The following VCF1 variants were observed in gnomAD, a reference collection of about 807,000 sequenced individuals.
VCF1 encodes the protein protein VCF1.
the VCF1 span, among the ~76,000 whole-genome samples, chr17:73,224,662 C>T: frequency 6.6e-6 from 1 of 152,182 alleles, no homozygotes; most frequent in Non-Finnish European, 1.5e-5. Flanking sequence ...TGATTTTTTG[C>T]TGCTACAAAC....
At chr17:73,228,587 G>A in the VCF1 span, among the ~76,000 whole-genome samples, 2 of 151,974 alleles carry the variant, frequency 1.3e-5, no homozygotes, top group Admixed American at 1.3e-4. Context: ...CCTGCACTGG[G>A]CTATGTAATT....
At chr17:73,230,643 C>G in the VCF1 span, among the ~76,000 whole-genome samples, 7 of 152,114 alleles carry the variant, frequency 4.6e-5, no homozygotes, top group Non-Finnish European at 1.0e-4. Context: ...GTGATCCGCC[C>G]GCCTTGACTT....
the VCF1 span, chr17:73,227,063 G>A: frequency 1.1e-6 from 1 of 898,440 alleles, no homozygotes; most frequent in Non-Finnish European, 1.7e-6. Flanking sequence ...ATCAACTAAG[G>A]TCATTTTAAA....
At chr17:73,219,049 G>A in the VCF1 span, among the ~76,000 whole-genome samples, 2 of 151,850 alleles carry the variant, frequency 1.3e-5, no homozygotes, top group East Asian at 1.9e-4. Context: ...AATTAGCCAG[G>A]TGTGGTTGTG....
chr17:73,216,487 G>C, the VCF1 span, among the ~76,000 whole-genome samples: 1 of 152,196 alleles, frequency 6.6e-6, no homozygotes, highest in African/African-American at 2.4e-5. Context: ...TGGCGGGAGG[G>C]AGAGGGAGAA....
At chr17:73,229,851 CAGTG>C in the VCF1 span, among the ~76,000 whole-genome samples, 64,172 of 118,014 alleles carry the variant, frequency 0.54, 16,587 homozygotes, top group Middle Eastern at 0.63. Context: ...CTGGCCGACA[CAGTG>C]AGACTCCATC....
At chr17:73,231,380 T>C in the VCF1 span, among the ~76,000 whole-genome samples, 1 of 152,128 alleles carries the variant, frequency 6.6e-6, no homozygotes, top group Non-Finnish European at 1.5e-5. Flanking sequence ...TAGTAGTACA[T>C]GTCAAGCACA....
the VCF1 span, chr17:73,232,287 T>A: frequency 3.1e-6 from 5 of 1,596,410 alleles, no homozygotes; most frequent in East Asian, 1.1e-4. Context: ...ACTTCCGGCG[T>A]CTGCTCCGCG....
the VCF1 span, among the ~76,000 whole-genome samples, chr17:73,220,458 A>G: frequency 1.4e-4 from 21 of 151,576 alleles, no homozygotes; most frequent in Non-Finnish European, 2.9e-4. Context: ...TTTGTTTTTT[A>G]TTTTGAGATG....
the VCF1 span, among the ~76,000 whole-genome samples, chr17:73,217,708 C>T: frequency 1.3e-5 from 2 of 151,826 alleles, no homozygotes; most frequent in South Asian, 4.2e-4. Flanking sequence ...AATCCTAGCA[C>T]TTTGGGAGGC....
chr17:73,211,934 G>A, the VCF1 span, among the ~76,000 whole-genome samples: 1 of 152,028 alleles, frequency 6.6e-6, no homozygotes, highest in Non-Finnish European at 1.5e-5. Flanking sequence ...AGGAAGCTGA[G>A]GTGGGGGAAT....
chr17:73,211,388 G>A, the VCF1 span, among the ~76,000 whole-genome samples: 2 of 152,206 alleles, frequency 1.3e-5, no homozygotes, highest in African/African-American at 2.4e-5. Flanking sequence ...AGCCAACATA[G>A]TGAAACCCCG....
the VCF1 span, chr17:73,209,015 A>C: frequency 9.6e-6 from 2 of 207,770 alleles, no homozygotes; most frequent in Non-Finnish European, 9.8e-6. Flanking sequence ...CTTTCAATAG[A>C]ACATCTACAT....
chr17:73,226,814 A>C, the VCF1 span, among the ~76,000 whole-genome samples: 1 of 152,244 alleles, frequency 6.6e-6, no homozygotes, highest in African/African-American at 2.4e-5. Flanking sequence ...GAAGCAACAA[A>C]ATATGTTTAT....
At chr17:73,212,897 T>TTTA in the VCF1 span, among the ~76,000 whole-genome samples, 1 of 152,220 alleles carries the variant, frequency 6.6e-6, no homozygotes, top group African/African-American at 2.4e-5. Flanking sequence ...GTACATAATT[T>TTTA]TTTTTTATTT....
the VCF1 span, chr17:73,232,026 C>T: frequency 6.7e-7 from 1 of 1,498,052 alleles, no homozygotes; most frequent in South Asian, 1.3e-5. Context: ...CGCGCGCCCC[C>T]TCGGCTCTAT....
the VCF1 span, chr17:73,207,707 T>G: frequency 7.7e-7 from 1 of 1,292,214 alleles, no homozygotes; most frequent in Admixed American, 2.3e-5. Context: ...TTCAGTACGA[T>G]GCCAACTGTT....
chr17:73,209,438 G>T, the VCF1 span: 8 of 1,450,450 alleles, frequency 5.5e-6, no homozygotes, highest in Admixed American at 6.7e-5. Context: ...CATTTTTCGT[G>T]TGCAATTTTT....
At chr17:73,225,002 C>A in the VCF1 span, among the ~76,000 whole-genome samples, 2 of 152,050 alleles carry the variant, frequency 1.3e-5, 1 homozygote, top group African/African-American at 4.8e-5. Context: ...CAGGACAGGA[C>A]AGGACAGCAT....
Sources: gnomAD v4.1 joint callset for allele counts (sites outside exome capture counted in the v4.1 genomes callset) on GRCh38, gnomAD v4.1.1 for gene constraint, MANE v1.5 for transcripts, NCBI Gene and HGNC (gene_info 2026-07-23, HGNC 2026-07-21) for gene names.